AHI1: variants seen among roughly 807,000 people sequenced by gnomAD.
AHI1 encodes the protein jouberin.
Under a neutral mutation model 149.3 loss-of-function variants are expected in AHI1, and 123 were observed. That is an observed-to-expected ratio of 0.82 (90% confidence interval 0.71 to 0.96). The LOEUF (loss-of-function observed/expected upper bound fraction) is 0.96. Ranked by LOEUF, AHI1 falls within the 40% of genes least tolerant of loss-of-function variation. The pLI is 0.00. For missense variants in AHI1, 1,439 were observed against 1,422.7 expected, an observed-to-expected ratio of 1.01 and a Z score of -0.18; for synonymous variants, 475 against 459.8, an observed-to-expected ratio of 1.03 and a Z score of -0.42.
At chr6:135,432,221 A>G (rs1784764875) in intron 16 of AHI1, among the ~76,000 whole-genome samples, 1 of 152,128 alleles carries the variant, frequency 6.6e-6, no homozygotes, top group Non-Finnish European at 1.5e-5. Flanking sequence ...ATCCCATACC[A>G]ATTAATTATA....
At chr6:135,337,875 G>A (rs1015489676) in intron 24 of AHI1, among the ~76,000 whole-genome samples, 12 of 151,850 alleles carry the variant, frequency 7.9e-5, no homozygotes, top group South Asian at 2.1e-4. Context: ...CTAAAATACC[G>A]AGGCTTATCT....
At chr6:135,394,611 A>C in intron 23 of AHI1, 165 bp downstream of exon 23, 1 of 964,288 alleles carries the variant, frequency 1.0e-6, no homozygotes, top group Non-Finnish European at 1.5e-6. Context: ...CTTACTTTTG[A>C]AATAACCTTG....
rs187441284 is a variant in AHI1, at chr6:135,384,910, G to A, written c.3109+9866C>T. 2.0e-5 allele frequency among the ~76,000 whole-genome samples: 3 copies of A among 152,204 alleles called. No homozygotes were observed. The East Asian group carries it at 5.8e-4, about 29-fold the overall frequency. On this transcript the variant is annotated intron_variant, in intron 23 of 28. Coordinates refer to ENST00000265602, the MANE Select transcript of AHI1 (RefSeq NM_001134831.2). Reference sequence around the variant, plus strand: ...TCAACACCAGCCTGCCCACCATGGTGAAATCCCGCCTCTACTGAAAATAAG... The same window carrying A: ...TCAACACCAGCCTGCCCACCATGGTAAAATCCCGCCTCTACTGAAAATAAG...
chr6:135,459,991 A>C (rs1789614960), intron 8 of AHI1, among the ~76,000 whole-genome samples: 1 of 152,132 alleles, frequency 6.6e-6, no homozygotes, highest in Non-Finnish European at 1.5e-5. Context: ...CAGGAGTTTG[A>C]GACTAGCCTG....
At chr6:135,370,421 G>A (rs1395383309) in intron 23 of AHI1, among the ~76,000 whole-genome samples, 5 of 152,198 alleles carry the variant, frequency 3.3e-5, no homozygotes, top group Non-Finnish European at 7.3e-5. Flanking sequence ...ACTGATAGGC[G>A]GAGAGGACTG....
intron 23 of AHI1, among the ~76,000 whole-genome samples, chr6:135,361,644 TTCACACAC>T (rs1448741933): frequency 1.1e-5 from 1 of 91,840 alleles, no homozygotes. Flanking sequence ...TAGGTATGGT[TTCACACAC>T]ACACACACAC....
intron 8 of AHI1, among the ~76,000 whole-genome samples, chr6:135,459,943 G>A (rs1277035757): frequency 6.6e-6 from 1 of 152,122 alleles, no homozygotes; most frequent in Admixed American, 6.5e-5. Context: ...TGTAATCCCA[G>A]CACTCTGGGA....
At chr6:135,375,264 T>C (rs946174205) in intron 23 of AHI1, among the ~76,000 whole-genome samples, 5 of 151,916 alleles carry the variant, frequency 3.3e-5, no homozygotes, top group Non-Finnish European at 7.4e-5. Flanking sequence ...CTGAAAATCA[T>C]ATAGAAGAAC....
intron 5 of AHI1, among the ~76,000 whole-genome samples, chr6:135,476,407 T>A (rs765452553): frequency 1.9e-4 from 29 of 152,080 alleles, no homozygotes; most frequent in Non-Finnish European, 3.7e-4. Flanking sequence ...TGGGCCAGAA[T>A]GATGTCTGTC....
At chr6:135,319,772 T>C (rs1786524825) in intron 25 of AHI1, among the ~76,000 whole-genome samples, 1 of 152,202 alleles carries the variant, frequency 6.6e-6, no homozygotes, top group African/African-American at 2.4e-5. Flanking sequence ...ATTGTCTTTG[T>C]ATGTGGAGTG....
chr6:135,486,226 C>T (rs1361637789), intron 5 of AHI1, among the ~76,000 whole-genome samples: 4 of 152,132 alleles, frequency 2.6e-5, no homozygotes, highest in Non-Finnish European at 4.4e-5. Context: ...AACCTGTAGG[C>T]TAGGTGTCTC....
chr6:135,288,145 G>A (rs1250671664), intron 28 of AHI1, among the ~76,000 whole-genome samples: 1 of 151,918 alleles, frequency 6.6e-6, no homozygotes, highest in African/African-American at 2.4e-5. Flanking sequence ...TACCCCACAA[G>A]ACATTCAATC....
chr6:135,478,437 C>G (rs1428619551), intron 5 of AHI1, among the ~76,000 whole-genome samples: 1 of 152,124 alleles, frequency 6.6e-6, no homozygotes, highest in Non-Finnish European at 1.5e-5. Context: ...TGTGACCCTG[C>G]TCTAGAGATA....
In AHI1 at chr6:135,451,608, G is replaced by A. The variant is rs1412922317; in HGVS notation, c.1440+1733C>T. Among the ~76,000 whole-genome samples the A allele has an allele frequency of 2.0e-5, 3 of 152,090 alleles. No individual in the cohort carries two copies. In the East Asian group the frequency reaches 5.8e-4, roughly 29 times the overall value. ...TAGAATACCTTACTCTTTCTGGGGG[G>A]TGGGGATGGGATAAGAATTCTTGAC... On this transcript the variant is annotated intron_variant, in intron 11 of 28. Transcript: ENST00000265602.
intron 23 of AHI1, among the ~76,000 whole-genome samples, chr6:135,359,326 T>C (rs17064476): frequency 0.01 from 1,564 of 152,326 alleles, 32 homozygotes; most frequent in African/African-American, 0.036. Context: ...AAAAGATGAA[T>C]ATATTACAGT....
At chr6:135,308,778 A>C (rs1784812070) in intron 26 of AHI1, among the ~76,000 whole-genome samples, 1 of 152,228 alleles carries the variant, frequency 6.6e-6, no homozygotes, top group Non-Finnish European at 1.5e-5. Flanking sequence ...GAATTTAGGA[A>C]GATATCGAGG....
At chr6:135,314,960 C>T (rs1489537719) in intron 26 of AHI1, among the ~76,000 whole-genome samples, 12 of 152,178 alleles carry the variant, frequency 7.9e-5, no homozygotes, top group Admixed American at 1.3e-4. Context: ...CCCTTGCCTA[C>T]GTCCTATTTC....
chr6:135,382,930 T>TAA (rs1777032706), intron 23 of AHI1, among the ~76,000 whole-genome samples: 1 of 33,860 alleles, frequency 3.0e-5, no homozygotes, highest in Non-Finnish European at 6.1e-5. Context: ...AAAAAAAATA[T>TAA]ATATATATAT....
chr6:135,315,864 C>A (rs1180516682), intron 26 of AHI1, among the ~76,000 whole-genome samples: 2 of 152,126 alleles, frequency 1.3e-5, no homozygotes, highest in Non-Finnish European at 2.9e-5. Flanking sequence ...TAGACTTCAA[C>A]CCTTTATTAA....
Sources: gnomAD v4.1 joint callset for allele counts (sites outside exome capture counted in the v4.1 genomes callset) on GRCh38, gnomAD v4.1.1 for gene constraint, MANE v1.5 for transcripts, NCBI Gene and HGNC (gene_info 2026-07-23, HGNC 2026-07-21) for gene names.